The following SH3RF3 variants were observed in gnomAD, a reference collection of about 807,000 sequenced individuals.
SH3RF3 encodes the protein E3 ubiquitin-protein ligase SH3RF3.
Under a neutral mutation model 66.3 loss-of-function variants are expected in SH3RF3, and 29 were observed. The observed-to-expected ratio is 0.44, with a 90% CI of 0.33 to 0.60. The LOEUF (loss-of-function observed/expected upper bound fraction) is 0.60. Ranked by LOEUF, SH3RF3 falls within the 20% of genes least tolerant of loss-of-function variation. The pLI is 0.04. For synonymous variants in SH3RF3, 583 were observed against 532.0 expected, an observed-to-expected ratio of 1.10 and a Z score of -1.32; for missense variants, 1,194 against 1,190.9, an observed-to-expected ratio of 1.00 and a Z score of -0.04.
intron 1 of SH3RF3, among the ~76,000 whole-genome samples, chr2:109,146,030 G>T (rs563084916): frequency 1.1e-4 from 17 of 151,496 alleles, no homozygotes; most frequent in Admixed American, 1.3e-4. Context: ...TATGTGGGCC[G>T]ACGGAGTCCA....
At chr2:109,249,909 C>G (rs1680044537) in intron 1 of SH3RF3, among the ~76,000 whole-genome samples, 5 of 151,314 alleles carry the variant, frequency 3.3e-5, no homozygotes, top group Admixed American at 2.6e-4. Flanking sequence ...TGGTCTCGAT[C>G]TCCTGACCTC....
intron 1 of SH3RF3, among the ~76,000 whole-genome samples, chr2:109,143,590 A>G (rs965725003): frequency 6.6e-6 from 1 of 152,036 alleles, no homozygotes; most frequent in African/African-American, 2.4e-5. Context: ...AAAAAATAAA[A>G]AAAGAAAAAA....
chr2:109,490,758 T>A lies in SH3RF3; in HGVS notation c.2302T>A (p.Ser768Thr). 6.5e-7 allele frequency: 1 copy of A among 1,536,426 alleles called. No individual in the cohort carries two copies. The highest frequency in any genetic ancestry group is 1.4e-5 in the African/African-American group (1 of 73,146). ...GAVGPEVSSLSIHGRAGSCPI... is the reference protein window; with the variant it reads ...GAVGPEVSSLTIHGRAGSCPI... Reference sequence around the variant, plus strand: ...AGTGGGCCCCGAAGTGTCCTCACTGTCCATCCACGGCAGGGCAGGGTCCTG... The same window carrying A: ...AGTGGGCCCCGAAGTGTCCTCACTGACCATCCACGGCAGGGCAGGGTCCTG... The change falls in exon 9 of 10, where the codon TCC becomes ACC. Residue 768 changes from serine (S) to threonine (T), a missense_variant. By Grantham distance (58) the Ser-to-Thr change is moderately conservative. Transcript: ENST00000309415.
At chr2:109,227,399 C>T (rs536413712) in intron 1 of SH3RF3, among the ~76,000 whole-genome samples, 1 of 152,204 alleles carries the variant, frequency 6.6e-6, no homozygotes, top group South Asian at 2.1e-4. Context: ...TTTCTGTAAC[C>T]AGCTGTTCTT....
At chr2:109,304,120 TCTACTCTG>T (rs1376194291) in intron 1 of SH3RF3, among the ~76,000 whole-genome samples, 5 of 151,112 alleles carry the variant, frequency 3.3e-5, no homozygotes, top group Non-Finnish European at 5.9e-5. Flanking sequence ...AAAAGAAAGA[TCTACTCTG>T]CTAGCAGTTT....
At chr2:109,160,287 C>G (rs1048907920) in intron 1 of SH3RF3, among the ~76,000 whole-genome samples, 3 of 152,168 alleles carry the variant, frequency 2.0e-5, no homozygotes, top group South Asian at 2.1e-4. Context: ...AGGTTGCTGC[C>G]CAAGACAGAG....
At chr2:109,230,336 A>G (rs114393711) in intron 1 of SH3RF3, among the ~76,000 whole-genome samples, 1,932 of 152,160 alleles carry the variant, frequency 0.013, 20 homozygotes, top group South Asian at 0.024. Context: ...AGCACTTCCG[A>G]GAGGCCAAGG....
chr2:109,222,887 G>A (rs4676265), intron 1 of SH3RF3, among the ~76,000 whole-genome samples: 21,464 of 152,286 alleles, frequency 0.14, 2,841 homozygotes, highest in East Asian at 0.33. Context: ...CAAGGTGTCC[G>A]CGTGTATCCC....
intron 7 of SH3RF3, among the ~76,000 whole-genome samples, chr2:109,444,738 C>T (rs759520333): frequency 3.3e-5 from 5 of 152,004 alleles, no homozygotes; most frequent in Non-Finnish European, 5.9e-5. Context: ...CTGCCAGACC[C>T]AGAAAAGTAG....
chr2:109,363,169 G>T (rs922723008), intron 2 of SH3RF3, among the ~76,000 whole-genome samples: 1 of 151,728 alleles, frequency 6.6e-6, no homozygotes, highest in Non-Finnish European at 1.5e-5. Context: ...GTCTTTTGTG[G>T]TTTTTATTGA....
chr2:109,170,310 TTCTCTCCTCTCTC>T (rs1167459338), intron 1 of SH3RF3, among the ~76,000 whole-genome samples: 11 of 132,688 alleles, frequency 8.3e-5, no homozygotes, highest in South Asian at 4.9e-4. Flanking sequence ...TTCTCTTCTC[TTCTCTCCTCTCTC>T]TCTCTCCTCT....
rs542998513 is a variant in SH3RF3, at chr2:109,241,640, G to A, written c.574-106034G>A. 2.7e-3 allele frequency among the ~76,000 whole-genome samples: 415 copies of A among 152,188 alleles called. 2 individuals carry two copies. Among genetic ancestry groups the A allele is most frequent in the African/African-American group, 9.7e-3 (402 of 41,506 alleles). On this transcript the variant is annotated intron_variant, in intron 1 of 9. Coordinates refer to ENST00000309415, the MANE Select transcript of SH3RF3 (RefSeq NM_001099289.3). Reference sequence around the variant, plus strand: ...GCTGGGAGGGCCCCTGGGACTCTCTGTCTCCCCGCCTCGCCATGGTGAGGG... The same window carrying A: ...GCTGGGAGGGCCCCTGGGACTCTCTATCTCCCCGCCTCGCCATGGTGAGGG...
intron 1 of SH3RF3, among the ~76,000 whole-genome samples, chr2:109,157,090 A>C (rs1269471845): frequency 6.6e-6 from 1 of 152,220 alleles, no homozygotes; most frequent in Admixed American, 6.5e-5. Context: ...AGGTGGCTCC[A>C]GGCTCATAGC....
At chr2:109,439,177 G>A (rs1051642538) in intron 7 of SH3RF3, among the ~76,000 whole-genome samples, 1 of 152,200 alleles carries the variant, frequency 6.6e-6, no homozygotes, top group African/African-American at 2.4e-5. Flanking sequence ...GCAACATTGT[G>A]TCTCAGTCCT....
chr2:109,411,432 C>T (rs535586234), intron 4 of SH3RF3, among the ~76,000 whole-genome samples: 1 of 152,278 alleles, frequency 6.6e-6, no homozygotes, highest in South Asian at 2.1e-4. Flanking sequence ...GGGCCTGTGG[C>T]CCCCAGTAGC....
intron 8 of SH3RF3, among the ~76,000 whole-genome samples, chr2:109,457,590 A>G (rs1678096151): frequency 6.6e-6 from 1 of 152,228 alleles, no homozygotes; most frequent in African/African-American, 2.4e-5. Flanking sequence ...TGCGTGTGAC[A>G]GTGTGGCTGG....
rs558651192 is a variant in SH3RF3, at chr2:109,184,212, C to T, written c.573+54099C>T. Among the ~76,000 whole-genome samples, 145 of 152,318 alleles carry T rather than the reference C, an allele frequency of 9.5e-4. 2 individuals carry two copies. The highest frequency in any genetic ancestry group is 3.5e-3 in the South Asian group (17 of 4,828). On this transcript the variant is annotated intron_variant, in intron 1 of 9. Transcript: ENST00000309415. ...ATCTCCTCCCAGGTGGTCTGAATTT[C>T]TACACTCCCTTGGGAGTTCTGGGAG...
intron 8 of SH3RF3, among the ~76,000 whole-genome samples, chr2:109,450,661 A>ATT (rs147896123): frequency 6.6e-6 from 1 of 150,652 alleles, no homozygotes. Flanking sequence ...ATATTTTAGT[A>ATT]TTTTTTTTTT....
intron 1 of SH3RF3, among the ~76,000 whole-genome samples, chr2:109,177,613 G>A (rs1677952879): frequency 6.6e-6 from 1 of 152,096 alleles, no homozygotes; most frequent in South Asian, 2.1e-4. Context: ...AGGCCACAGG[G>A]TGTTGAGGTG....
Sources: gnomAD v4.1 joint callset for allele counts (sites outside exome capture counted in the v4.1 genomes callset) on GRCh38, gnomAD v4.1.1 for gene constraint, MANE v1.5 for transcripts, NCBI Gene and HGNC (gene_info 2026-07-23, HGNC 2026-07-21) for gene names.